PRPF38B: variants seen among roughly 807,000 people sequenced by gnomAD.
PRPF38B encodes the protein pre-mRNA-splicing factor 38B.
A neutral mutation model predicts 67.2 loss-of-function variants in PRPF38B; 18 were observed. That is an observed-to-expected ratio of 0.27 (90% confidence interval 0.19 to 0.40). PRPF38B has a LOEUF of 0.40. Ranked by LOEUF, PRPF38B falls within the 10% of genes least tolerant of loss-of-function variation. PRPF38B has a pLI of 1.00. For missense variants in PRPF38B, 544 were observed against 684.9 expected, an observed-to-expected ratio of 0.79 and a Z score of 2.30; for synonymous variants, 246 against 234.2, an observed-to-expected ratio of 1.05 and a Z score of -0.46.
chr1:108,696,425 A>T, intron 4 of PRPF38B, 88 bp downstream of exon 4: 1 of 1,200,816 alleles, frequency 8.3e-7, no homozygotes, highest in Non-Finnish European at 1.2e-6. Flanking sequence ...AATGTCTTCA[A>T]GAACTTCCTG....
Position 108,700,131 on chromosome 1 carries a change from G to A in PRPF38B, c.*111G>A, listed in dbSNP as rs1660331974. 7.0e-7 allele frequency: 1 copy of A among 1,432,260 alleles called. No individual in the cohort carries two copies. The highest frequency in any genetic ancestry group is 1.4e-5 in the African/African-American group (1 of 69,872). 88.7% of individuals were successfully genotyped at this position (1,432,260 alleles called of 1,614,324 possible). On this transcript the variant is annotated 3_prime_UTR_variant, in exon 6 of 6. Coordinates refer to ENST00000370025, the MANE Select transcript of PRPF38B (RefSeq NM_018061.4). ...CGCACTCCTCAAGCTCTCCCTGTAG[G>A]CTGCATTTTCATTTCCTCTTTCGTG...
In PRPF38B at chr1:108,701,154, A is replaced by C. The variant is rs1273864552; in HGVS notation, c.*1134A>C. 6.6e-6 allele frequency: 1 copy of C among 152,628 alleles called. No homozygotes were observed. The highest frequency in any genetic ancestry group is 2.4e-5 in the African/African-American group (1 of 41,448). 9.5% of individuals were successfully genotyped at this position (152,628 alleles called of 1,614,324 possible). ...GTATTCTGATTACAGAACCATCATGAGTGTGGAATAAATACTGGATTAAAT... is the reference window on the plus strand; with the variant it reads ...GTATTCTGATTACAGAACCATCATGCGTGTGGAATAAATACTGGATTAAAT... On this transcript the variant is annotated 3_prime_UTR_variant, in exon 6 of 6. Coordinates refer to ENST00000370025, the MANE Select transcript of PRPF38B (RefSeq NM_018061.4).
At chr1:108,696,457 G>T (rs12401944) in intron 4 of PRPF38B, 120 bp downstream of exon 4, 1 of 867,446 alleles carries the variant, frequency 1.2e-6, no homozygotes, top group Non-Finnish European at 1.8e-6. Context: ...ATTTCAGTGA[G>T]ATACTTTTGG....
chr1:108,696,897 A>C, intron 4 of PRPF38B: 1 of 550,746 alleles, frequency 1.8e-6, no homozygotes, highest in Non-Finnish European at 3.2e-6. Flanking sequence ...AGTACACCAC[A>C]CACACCTTTA....
Position 108,700,153 on chromosome 1 carries a change from C to T in PRPF38B, c.*133C>T, listed in dbSNP as rs140044243. ...TAGGCTGCATTTTCATTTCCTCTTT[C>T]GTGTAGGGAAGTGCCTTTGTAATTC... On this transcript the variant is annotated 3_prime_UTR_variant, in exon 6 of 6. Coordinates refer to ENST00000370025, the MANE Select transcript of PRPF38B (RefSeq NM_018061.4). 12 of 1,376,168 alleles carry T rather than the reference C, an allele frequency of 8.7e-6. No individual in the cohort carries two copies. Among genetic ancestry groups the T allele is most frequent in the African/African-American group, 7.3e-5 (5 of 68,512 alleles). 85.2% of individuals were successfully genotyped at this position (1,376,168 alleles called of 1,614,324 possible).
intron 1 of PRPF38B, 78 bp downstream of exon 1, chr1:108,692,945 C>T (rs1659464547): frequency 6.6e-7 from 1 of 1,511,742 alleles, no homozygotes; most frequent in Non-Finnish European, 8.9e-7. Flanking sequence ...AGGCGGCCCC[C>T]GAAATCTGAA....
chr1:108,693,133 G>A (rs890648292), intron 1 of PRPF38B, among the ~76,000 whole-genome samples: 1 of 152,218 alleles, frequency 6.6e-6, no homozygotes, highest in African/African-American at 2.4e-5. Context: ...GGGGGGAGTT[G>A]GGCAAGAGGG....
At chr1:108,693,379 G>A (rs1396005110) in intron 1 of PRPF38B, among the ~76,000 whole-genome samples, 1 of 152,056 alleles carries the variant, frequency 6.6e-6, no homozygotes, top group Non-Finnish European at 1.5e-5. Flanking sequence ...AGGGTGGAGA[G>A]GTGCCATTTC....
chr1:108,697,538 C>CTTTTTTTTTTTTTTTT (rs34770110), intron 4 of PRPF38B: 1 of 146,070 alleles, frequency 6.8e-6, no homozygotes, highest in Admixed American at 6.7e-5. Context: ...TTATTTTTCT[C>CTTTTTTTTTTTTTTTT]TTTTTTTTTT....
Position 108,692,557 on chromosome 1 carries a change from C to T in PRPF38B, c.-35C>T, listed in dbSNP as rs964574746. On this transcript the variant is annotated 5_prime_UTR_variant, in exon 1 of 6. Coordinates refer to ENST00000370025, the MANE Select transcript of PRPF38B (RefSeq NM_018061.4). ...CGAGATCGAGCTTGGCCCCCTCCCC[C>T]CCCTCCTTCCCTCCCTCCTTCCTTC... 7 of 1,503,044 alleles carry T rather than the reference C, an allele frequency of 4.7e-6. No individual in the cohort carries two copies. The highest frequency in any genetic ancestry group is 1.4e-5 in the African/African-American group (1 of 71,998). 93.1% of individuals were successfully genotyped at this position (1,503,044 alleles called of 1,614,324 possible). A position where few individuals can be genotyped will look rare whatever the true frequency, so the allele number is the denominator to read the frequency against.
At position 108,701,983 on chromosome 1, in the gene PRPF38B, GA is replaced by G. The variant is rs1557778823; in HGVS notation, c.*1964del. ...CCTAAATTATGGAGCTACTACTTTG[GA>G]TATGGTTCCATGTGAAATGTTTTAT... On this transcript the variant is annotated 3_prime_UTR_variant, in exon 6 of 6. Transcript: ENST00000370025. Among the ~76,000 whole-genome samples, 276 of 152,262 alleles carry G rather than the reference GA, an allele frequency of 1.8e-3. No homozygotes were observed. Among genetic ancestry groups the G allele is most frequent in the African/African-American group, 6.3e-3 (261 of 41,556 alleles).
chr1:108,698,900 AAGTTCTT>A, intron 5 of PRPF38B, 73 bp downstream of exon 5: 3 of 1,385,530 alleles, frequency 2.2e-6, no homozygotes, highest in Non-Finnish European at 2.9e-6. Flanking sequence ...GAGAAATAGC[AAGTTCTT>A]AGGAATTTGT....
In PRPF38B at chr1:108,699,993, G is replaced by T; in HGVS notation, c.1614G>T (p.Gln538His). The stretch of plus-strand genomic sequence containing the variant: ...TAGAACAAGAGAGCCAAGAAAAACA[G>T]CATAAAAACAAAGATGAGACTGTGT... ...QSIEQESQEK[Q>H]HKNKDETV The change falls in exon 6 of 6, where the codon CAG (glutamine) becomes CAT (histidine). Residue 538 changes from glutamine to histidine, a missense_variant. Physicochemically the swap from Gln to His is conservative, Grantham distance 24. Coordinates refer to ENST00000370025, the MANE Select transcript of PRPF38B (RefSeq NM_018061.4). The T allele has an allele frequency of 6.3e-7, 1 of 1,590,498 alleles. No homozygotes were observed. Among genetic ancestry groups the T allele is most frequent in the East Asian group, 2.2e-5 (1 of 44,726 alleles).
At chr1:108,693,588 A>C (rs1299379996) in intron 1 of PRPF38B, 3 of 984,694 alleles carry the variant, frequency 3.0e-6, no homozygotes, top group African/African-American at 1.7e-5. Context: ...TTTCGTTAGC[A>C]GGATTGACTC....
In PRPF38B at chr1:108,702,092, G is replaced by A. The variant is rs1030056223; in HGVS notation, c.*2072G>A. 2.6e-5 allele frequency among the ~76,000 whole-genome samples: 4 copies of A among 152,246 alleles called. No individual in the cohort carries two copies. Among genetic ancestry groups the A allele is most frequent in the Admixed American group, 1.3e-4 (2 of 15,284 alleles). On this transcript the variant is annotated 3_prime_UTR_variant, in exon 6 of 6. Transcript: ENST00000370025. ...GAACTATCACCTCGATTGACAGTTC[G>A]ATGATCGTCACTACATTTGATTTCT...
intron 4 of PRPF38B, chr1:108,697,684 A>G (rs950001160): frequency 6.6e-6 from 1 of 152,238 alleles, no homozygotes; most frequent in Non-Finnish European, 1.5e-5. Flanking sequence ...TCTTTAAAAA[A>G]GCATGTTCCT....
chr1:108,692,879 G>A lies in PRPF38B; in HGVS notation c.276+12G>A, dbSNP rs183816077. On this transcript the variant is annotated intron_variant, in intron 1 of 5. Transcript: ENST00000370025. ...AGATCTACTTTAAGGTACGAAGTGT[G>A]TAGGCCTTGGCTTTGGGGGTAAGTT... The A allele has an allele frequency of 1.9e-6, 3 of 1,607,656 alleles. No homozygotes were observed. Among genetic ancestry groups the A allele is most frequent in the African/African-American group, 1.3e-5 (1 of 74,830 alleles).
chr1:108,699,554 A>G lies in PRPF38B; in HGVS notation c.1175A>G (p.Gln392Arg). The part of the protein sequence containing the change: ...RERSRERSKE[Q>R]RSRGEVEEKK... ...CGATCAAGAGAAAGGTCCAAGGAAC[A>G]GAGAAGTAGGGGAGAGGTAGAAGAG... is the stretch of plus-strand genomic sequence containing the variant. The change falls in exon 6 of 6, where the codon CAG becomes CGG. Residue 392 changes from glutamine to arginine, a missense_variant. Gln to Arg is a conservative substitution (Grantham distance 43). Around this residue, in one of 5 missense-constraint regions of PRPF38B, gnomAD observed 387 missense variants for 386.1 expected, o/e 1.00. Transcript: ENST00000370025. 1 of 1,554,698 alleles carries G rather than the reference A, an allele frequency of 6.4e-7. No homozygotes were observed. The highest frequency in any genetic ancestry group is 8.7e-7 in the Non-Finnish European group (1 of 1,148,624).
chr1:108,693,424 C>T (rs1659536665), intron 1 of PRPF38B, among the ~76,000 whole-genome samples: 1 of 152,014 alleles, frequency 6.6e-6, no homozygotes, highest in Non-Finnish European at 1.5e-5. Context: ...ATTTTCCCAG[C>T]AGGAAGTCAG....
Sources: gnomAD v4.1 joint callset for allele counts (sites outside exome capture counted in the v4.1 genomes callset) on GRCh38, gnomAD v4.1.1 for gene constraint, gnomAD v4.1.1 regional missense constraint, MANE v1.5 for transcripts, NCBI Gene and HGNC (gene_info 2026-07-23, HGNC 2026-07-21) for gene names.